The following CDK8 variants were observed in gnomAD, a reference collection of about 807,000 sequenced individuals.
CDK8 encodes the protein cyclin dependent kinase 8.
In CDK8, 29 loss-of-function variants were observed where a neutral mutation model predicts 71.5. The ratio of observed to expected loss-of-function variants is 0.41; its 90% CI spans 0.30 to 0.55. The LOEUF (loss-of-function observed/expected upper bound fraction) is 0.55. CDK8 is among the 20% of genes least tolerant of loss of function. The pLI is 0.37. For missense variants in CDK8, 288 were observed against 572.6 expected (o/e 0.50, Z 5.07); for synonymous variants, 161 against 192.1 (o/e 0.84, Z 1.34).
intron 1 of CDK8, among the ~76,000 whole-genome samples, chr13:26,327,978 T>TTA (rs371807987): frequency 2.8e-4 from 43 of 151,458 alleles, no homozygotes; most frequent in African/African-American, 9.5e-4. Flanking sequence ...TTTTTTTTTT[T>TTA]AACTTTTGCT....
At chr13:26,339,747 T>TA (rs759709011) in intron 2 of CDK8, among the ~76,000 whole-genome samples, 4,719 of 29,898 alleles carry the variant, frequency 0.16, 118 homozygotes, top group East Asian at 0.33. Flanking sequence ...TATAATTACT[T>TA]AAAAAAAAAA....
chr13:26,390,046 C>A (rs1875674655), intron 6 of CDK8, among the ~76,000 whole-genome samples: 1 of 152,042 alleles, frequency 6.6e-6, no homozygotes, highest in Non-Finnish European at 1.5e-5. Context: ...CAAAATGGAA[C>A]CTTTTCTTTA....
intron 4 of CDK8, among the ~76,000 whole-genome samples, chr13:26,358,185 G>C (rs975077704): frequency 6.6e-6 from 1 of 152,166 alleles, no homozygotes. Context: ...TGTAGTCCCA[G>C]CTACTTGGGA....
intron 1 of CDK8, among the ~76,000 whole-genome samples, chr13:26,282,815 A>G (rs960190325): frequency 2.0e-5 from 3 of 152,248 alleles, no homozygotes; most frequent in Admixed American, 6.5e-5. Flanking sequence ...GCTGTCTTCA[A>G]GAGACTCACC....
At chr13:26,283,503 G>T (rs1335669001) in intron 1 of CDK8, among the ~76,000 whole-genome samples, 1 of 152,130 alleles carries the variant, frequency 6.6e-6, no homozygotes. Flanking sequence ...AGCTACTCTG[G>T]AGACTGAGGG....
intron 1 of CDK8, among the ~76,000 whole-genome samples, chr13:26,257,465 T>C (rs1338262020): frequency 6.6e-6 from 1 of 152,202 alleles, no homozygotes; most frequent in Non-Finnish European, 1.5e-5. Context: ...TATAACTTTG[T>C]TAATTTCACA....
At position 26,393,403 on chromosome 13, in the gene CDK8, T is replaced by TA; in HGVS notation, c.685dup (p.Thr229AsnfsTer16). The TA allele has an allele frequency of 6.2e-7, 1 of 1,611,162 alleles. No homozygotes were observed. The highest frequency in any genetic ancestry group is 8.5e-7 in the Non-Finnish European group (1 of 1,177,758). ...ATAGGGTGTATATTTGCAGAACTAC[T>TA]AACGTCAGAACCAATATTTCACTGT... On this transcript the variant is annotated frameshift_variant, in exon 7 of 13. Coordinates refer to ENST00000381527, the MANE Select transcript of CDK8 (RefSeq NM_001260.3). LOFTEE classifies it high-confidence loss of function.
intron 1 of CDK8, among the ~76,000 whole-genome samples, chr13:26,295,646 C>G (rs1284759498): frequency 6.6e-6 from 1 of 152,140 alleles, no homozygotes; most frequent in East Asian, 1.9e-4. Flanking sequence ...CTGAATCCAA[C>G]TAGACTATTT....
At chr13:26,282,426 A>T in intron 1 of CDK8, among the ~76,000 whole-genome samples, 1 of 152,220 alleles carries the variant, frequency 6.6e-6, no homozygotes, top group East Asian at 1.9e-4. Context: ...GCCTCTACAA[A>T]CAAAATAATT....
At chr13:26,392,559 C>A (rs551424305) in intron 6 of CDK8, among the ~76,000 whole-genome samples, 1 of 152,160 alleles carries the variant, frequency 6.6e-6, no homozygotes, top group Admixed American at 6.5e-5. Flanking sequence ...ATTTCCTGAC[C>A]TCGTGATCCG....
chr13:26,318,201 C>A (rs1356747907), intron 1 of CDK8, among the ~76,000 whole-genome samples: 1 of 151,802 alleles, frequency 6.6e-6, no homozygotes, highest in Non-Finnish European at 1.5e-5. Flanking sequence ...ATGAACTGGA[C>A]CAATTCCTAC....
intron 1 of CDK8, among the ~76,000 whole-genome samples, chr13:26,331,821 A>G (rs1357720303): frequency 6.6e-6 from 1 of 152,002 alleles, no homozygotes; most frequent in Non-Finnish European, 1.5e-5. Flanking sequence ...TACAAATTTT[A>G]GGATTATTTT....
At chr13:26,257,274 A>G (rs1463692592) in intron 1 of CDK8, among the ~76,000 whole-genome samples, 2 of 152,220 alleles carry the variant, frequency 1.3e-5, no homozygotes, top group Non-Finnish European at 2.9e-5. Flanking sequence ...AAATGAATGT[A>G]TGTAAACGTT....
chr13:26,387,332 A>T (rs1565995614), intron 6 of CDK8, among the ~76,000 whole-genome samples: 1 of 152,106 alleles, frequency 6.6e-6, no homozygotes, highest in African/African-American at 2.4e-5. Flanking sequence ...CTGTTTGGTG[A>T]CCCTTGAGTG....
chr13:26,348,718 G>A (rs1873564894), intron 2 of CDK8, among the ~76,000 whole-genome samples: 1 of 152,090 alleles, frequency 6.6e-6, no homozygotes. Context: ...GGATAGTGGT[G>A]GTGATCGCAG....
chr13:26,311,764 A>G (rs913083031), intron 1 of CDK8, among the ~76,000 whole-genome samples: 7 of 147,614 alleles, frequency 4.7e-5, no homozygotes, highest in Non-Finnish European at 9.0e-5. Context: ...AGTAGTCTTT[A>G]TCTCATTATC....
intron 2 of CDK8, among the ~76,000 whole-genome samples, chr13:26,345,952 C>T (rs1416948574): frequency 2.6e-5 from 4 of 152,192 alleles, no homozygotes; most frequent in African/African-American, 9.7e-5. Flanking sequence ...TCAAGTTTGC[C>T]ACCTGGTATA....
intron 9 of CDK8, among the ~76,000 whole-genome samples, chr13:26,397,689 T>C (rs1163920583): frequency 6.6e-6 from 1 of 152,196 alleles, no homozygotes; most frequent in Non-Finnish European, 1.5e-5. Flanking sequence ...TTATATGTGC[T>C]ATTTGATTTT....
chr13:26,395,806 T>C (rs1875965854), intron 7 of CDK8, among the ~76,000 whole-genome samples: 1 of 152,082 alleles, frequency 6.6e-6, no homozygotes, highest in Non-Finnish European at 1.5e-5. Context: ...TGTAAAGAAA[T>C]ATATTTAACA....
Sources: gnomAD v4.1 joint callset for allele counts (sites outside exome capture counted in the v4.1 genomes callset) on GRCh38, gnomAD v4.1.1 for gene constraint, MANE v1.5 for transcripts, NCBI Gene and HGNC (gene_info 2026-07-23, HGNC 2026-07-21) for gene names.